ANKRD27: variants seen among roughly 807,000 people sequenced by gnomAD.
ANKRD27 encodes ankyrin repeat domain-containing protein 27.
In ANKRD27, 112 loss-of-function variants were observed where a neutral mutation model predicts 129.7. The ratio of observed to expected loss-of-function variants is 0.86; its 90% CI spans 0.74 to 1.01. The LOEUF is 1.01. ANKRD27 is among the 50% of genes least tolerant of loss of function. ANKRD27 has a pLI of 0.00. For missense variants in ANKRD27, 1,258 were observed against 1,300.5 expected (o/e 0.97, Z 0.50); for synonymous variants, 516 against 511.2 (o/e 1.01, Z -0.13).
chr19:32,609,278 G>A (rs1599736522), intron 22 of ANKRD27, among the ~76,000 whole-genome samples: 1 of 149,528 alleles, frequency 6.7e-6, no homozygotes, highest in Admixed American at 6.6e-5. Context: ...TATACTCCTA[G>A]GTGTTTACCC....
At chr19:32,648,849 C>A (rs149277805) in intron 3 of ANKRD27, among the ~76,000 whole-genome samples, 1 of 150,924 alleles carries the variant, frequency 6.6e-6, no homozygotes, top group Non-Finnish European at 1.5e-5. Context: ...TGAGAGACAG[C>A]GATAAAACCA....
At chr19:32,653,207 A>AGT (rs1967453257) in intron 2 of ANKRD27, among the ~76,000 whole-genome samples, 1 of 152,010 alleles carries the variant, frequency 6.6e-6, no homozygotes, top group African/African-American at 2.4e-5. Flanking sequence ...ATCTATACTA[A>AGT]ATAAATTCTG....
intron 1 of ANKRD27, among the ~76,000 whole-genome samples, chr19:32,661,832 G>C (rs937918047): frequency 2.0e-5 from 3 of 152,158 alleles, no homozygotes; most frequent in African/African-American, 7.2e-5. Context: ...ACCTGAATTT[G>C]GTTGAAAAAA....
chr19:32,674,293 C>T (rs911600969), intron 1 of ANKRD27, among the ~76,000 whole-genome samples: 3 of 152,204 alleles, frequency 2.0e-5, no homozygotes, highest in African/African-American at 7.2e-5. Flanking sequence ...AATCTGAGCT[C>T]TCTGCAGCCT....
chr19:32,601,986 A>G (rs752546734), intron 26 of ANKRD27, 29 bp downstream of exon 26: 2 of 1,419,546 alleles, frequency 1.4e-6, no homozygotes, highest in South Asian at 1.2e-5. Context: ...ACCCAACTTG[A>G]GCGTGACAGA....
At chr19:32,606,185 C>T (rs1368205982) in intron 23 of ANKRD27, among the ~76,000 whole-genome samples, 4 of 137,778 alleles carry the variant, frequency 2.9e-5, no homozygotes, top group Non-Finnish European at 6.1e-5. Flanking sequence ...CAGAGTCTCG[C>T]TCTGTCGCCC....
chr19:32,670,812 T>C lies in ANKRD27; in HGVS notation c.-31+4259A>G, dbSNP rs531615848. Reference sequence around the variant, plus strand: ...TTCAAGACCAGCCTGGCCAACATGGTGAAACCCTGTCTCTACTAAAAATAC... The same window carrying C: ...TTCAAGACCAGCCTGGCCAACATGGCGAAACCCTGTCTCTACTAAAAATAC... On this transcript the variant is annotated intron_variant, in intron 1 of 28. Coordinates refer to ENST00000306065, the MANE Select transcript of ANKRD27 (RefSeq NM_032139.3). 3.2e-4 allele frequency among the ~76,000 whole-genome samples: 48 copies of C among 151,790 alleles called. 1 individual carries two copies. In the South Asian group the frequency reaches 9.6e-3, roughly 30 times the overall value.
intron 1 of ANKRD27, among the ~76,000 whole-genome samples, chr19:32,670,764 C>A (rs148595602): frequency 2.0e-5 from 3 of 151,816 alleles, no homozygotes; most frequent in African/African-American, 7.3e-5. Context: ...AAGGCCGAGG[C>A]GGGCTGATCA....
chr19:32,644,780 T>A (rs1026027984), intron 4 of ANKRD27, among the ~76,000 whole-genome samples: 2 of 152,236 alleles, frequency 1.3e-5, no homozygotes, highest in African/African-American at 2.4e-5. Context: ...AAATGAAGAC[T>A]TATTATTTAT....
intron 1 of ANKRD27, among the ~76,000 whole-genome samples, chr19:32,670,324 C>T (rs995591927): frequency 3.3e-5 from 5 of 152,146 alleles, no homozygotes; most frequent in African/African-American, 1.2e-4. Flanking sequence ...TCCTTTCATC[C>T]GTGCTGTCAC....
chr19:32,644,369 G>C lies in ANKRD27; in HGVS notation c.481C>G (p.Arg161Gly), dbSNP rs755184107. Residue 161 changes from arginine to glycine, a missense_variant, in exon 5 of 29, where the codon CGA becomes GGA. Coordinates refer to ENST00000306065, the MANE Select transcript of ANKRD27 (RefSeq NM_032139.3). ...RFDRNIASFHRTFRECERKSL... is the reference protein window; with the variant it reads ...RFDRNIASFHGTFRECERKSL... ...TTTCTCTCGCATTCTCGGAATGTTC[G>C]ATGGAAAGAGGCGATGTTCCTGTCA... The C allele has an allele frequency of 1.2e-6, 2 of 1,613,816 alleles. No individual in the cohort carries two copies. Among genetic ancestry groups the C allele is most frequent in the Non-Finnish European group, 1.7e-6 (2 of 1,180,008 alleles).
chr19:32,600,964 G>C (rs1971642806), intron 26 of ANKRD27, among the ~76,000 whole-genome samples: 1 of 152,074 alleles, frequency 6.6e-6, no homozygotes, highest in Admixed American at 6.6e-5. Context: ...GGCAACTGCT[G>C]TTTTAATTAT....
chr19:32,648,683 C>T (rs1967350005), intron 3 of ANKRD27, among the ~76,000 whole-genome samples: 1 of 151,918 alleles, frequency 6.6e-6, no homozygotes, highest in African/African-American at 2.4e-5. Context: ...GCCCGTAGTC[C>T]CAGCTACTCG....
intron 9 of ANKRD27, 53 bp from the exon 10 acceptor site, chr19:32,642,198 TG>T: frequency 1.3e-6 from 2 of 1,489,548 alleles, no homozygotes; most frequent in South Asian, 2.7e-5. Context: ...GAGAACCCTC[TG>T]GCCTGGATCT....
chr19:32,598,181 G>A lies in ANKRD27; in HGVS notation c.3117C>T (p.Leu1039=). ...AAGCACTAACCTCTTGGGGAGTGGA[G>A]AGGGGGCCAGCAGCCTCCGGGCCCT... ...VSQGPEAAGP[L]STPQEVSASR... Residue 1039 remains leucine, a synonymous_variant, in exon 29 of 29, where the codon CTC becomes CTT. Coordinates refer to ENST00000306065, the MANE Select transcript of ANKRD27 (RefSeq NM_032139.3). 1 of 1,614,144 alleles carries A rather than the reference G, an allele frequency of 6.2e-7. No individual in the cohort carries two copies. The highest frequency in any genetic ancestry group is 8.5e-7 in the Non-Finnish European group (1 of 1,180,024).
At chr19:32,608,576 A>G (rs990627528) in intron 22 of ANKRD27, 4 of 192,756 alleles carry the variant, frequency 2.1e-5, no homozygotes, top group African/African-American at 4.7e-5. Context: ...TCAAAAATAA[A>G]AAAGAAGCTG....
At position 32,622,612 on chromosome 19, in the gene ANKRD27, T is replaced by C. The variant is rs149263293; in HGVS notation, c.1637A>G (p.Lys546Arg). 11 of 1,613,362 alleles carry C rather than the reference T, an allele frequency of 6.8e-6. No individual in the cohort carries two copies. The highest frequency in any genetic ancestry group is 1.3e-5 in the African/African-American group (1 of 74,878). ...ACTYGHEDCV[K>R]ALVYYDVESC... ...CTCCACGTCGTAGTAAACCAGAGCC[T>C]TCACACACTGCAAAGAGATGGGGAA... Residue 546 changes from lysine (K) to arginine (R), a missense_variant, in exon 18 of 29, where the codon AAG becomes AGG. Transcript: ENST00000306065.
intron 10 of ANKRD27, 70 bp downstream of exon 10, chr19:32,641,954 G>A: frequency 6.7e-7 from 1 of 1,494,476 alleles, no homozygotes; most frequent in Non-Finnish European, 9.0e-7. Context: ...CCTTAAGACA[G>A]CATCACTCTT....
At chr19:32,654,311 C>T (rs949236815) in intron 2 of ANKRD27, among the ~76,000 whole-genome samples, 3 of 152,014 alleles carry the variant, frequency 2.0e-5, no homozygotes, top group African/African-American at 4.8e-5. Flanking sequence ...CCAGCCTGGG[C>T]AACATAGTGA....
Sources: allele counts gnomAD v4.1 joint callset (sites outside exome capture counted in the v4.1 genomes callset), GRCh38; gene constraint gnomAD v4.1.1; transcripts MANE v1.5; gene names NCBI Gene and HGNC (gene_info 2026-07-23, HGNC 2026-07-21).